HFM1: variants seen among roughly 807,000 people sequenced by gnomAD.
HFM1 encodes the protein probable ATP-dependent DNA helicase HFM1.
Under a neutral mutation model 192.1 loss-of-function variants are expected in HFM1, and 169 were observed. The ratio of observed to expected loss-of-function variants is 0.88; its 90% CI spans 0.78 to 1.00. The LOEUF (loss-of-function observed/expected upper bound fraction) is 1.00. Among genes scored for constraint, HFM1 ranks in the 50% least tolerant of loss-of-function variants. HFM1 has a pLI of 0.00. For missense variants in HFM1, 1,661 were observed against 1,668.0 expected (o/e 1.00, Z 0.07); for synonymous variants, 525 against 537.8 (o/e 0.98, Z 0.33).
intron 30 of HFM1, among the ~76,000 whole-genome samples, chr1:91,297,003 C>T (rs1039968782): frequency 2.0e-5 from 3 of 152,188 alleles, no homozygotes; most frequent in Non-Finnish European, 4.4e-5. Flanking sequence ...CATCGCCTCA[C>T]CCGGGAAGCA....
rs751622198 is a variant in HFM1, at chr1:91,352,578, A to G, written c.1905T>C (p.Tyr635=). ...HLVVIKSTMH[Y]AGGLFEEYSE... is the part of the protein sequence containing the mutation. ...TGTACTCTTCAAACAGTCCTCCAGCATAATGCATTGTAGATTTTATAACTA... is the reference window on the plus strand; with the variant it reads ...TGTACTCTTCAAACAGTCCTCCAGCGTAATGCATTGTAGATTTTATAACTA... Residue 635 remains tyrosine, a synonymous_variant, in exon 16 of 39, where the codon TAT becomes TAC. Coordinates refer to ENST00000370425, the MANE Select transcript of HFM1 (RefSeq NM_001017975.6). 9 of 1,609,956 alleles carry G rather than the reference A, an allele frequency of 5.6e-6. No individual in the cohort carries two copies. The Admixed American group carries it at 1.5e-4, about 27-fold the overall frequency.
intron 8 of HFM1, 47 bp downstream of exon 8, chr1:91,380,057 G>C (rs766667808): frequency 4.4e-6 from 4 of 916,824 alleles, no homozygotes; most frequent in Non-Finnish European, 6.1e-6. Flanking sequence ...TGCTTCAATG[G>C]TTTTTCATTA....
At chr1:91,329,039 A>C in intron 20 of HFM1, 2 of 1,611,466 alleles carry the variant, frequency 1.2e-6, no homozygotes, top group Non-Finnish European at 1.7e-6. Flanking sequence ...AGAACCAGGA[A>C]CAGTTTGTGG....
At chr1:91,294,109 T>G (rs972581008) in intron 30 of HFM1, among the ~76,000 whole-genome samples, 22 of 150,170 alleles carry the variant, frequency 1.5e-4, no homozygotes, top group Admixed American at 6.0e-4. Flanking sequence ...AGATGACGAG[T>G]TAGTGGGTGC....
At chr1:91,394,825 A>C (rs1201588457) in intron 3 of HFM1, among the ~76,000 whole-genome samples, 2 of 152,100 alleles carry the variant, frequency 1.3e-5, no homozygotes, top group African/African-American at 2.4e-5. Context: ...TAATGCTTTT[A>C]AGTTTGCAAT....
chr1:91,290,733 A>T (rs1383646013), intron 30 of HFM1, among the ~76,000 whole-genome samples: 1 of 152,152 alleles, frequency 6.6e-6, no homozygotes, highest in African/African-American at 2.4e-5. Context: ...TCCACCCCAA[A>T]TCAACAGAAT....
chr1:91,396,350 A>T lies in HFM1; in HGVS notation c.127T>A (p.Ser43Thr), dbSNP rs1663653098. 6.2e-7 allele frequency: 1 copy of T among 1,605,276 alleles called. No homozygotes were observed. Reference sequence around the variant, plus strand: ...AACTCCTGAGTATCTGGAATTTCTGAAATCAATGGAGCAGGAGGGAGAAAC... The same window carrying T: ...AACTCCTGAGTATCTGGAATTTCTGTAATCAATGGAGCAGGAGGGAGAAAC... ...DWFLPPAPLI[S>T]EIPDTQELEE... The change falls in exon 3 of 39, where the codon TCA becomes ACA. Residue 43 changes from serine to threonine, a missense_variant. Transcript: ENST00000370425.
chr1:91,353,754 AC>A (rs1657317283), intron 13 of HFM1, among the ~76,000 whole-genome samples: 1 of 151,494 alleles, frequency 6.6e-6, no homozygotes, highest in South Asian at 2.1e-4. Flanking sequence ...AAGATGGTCA[AC>A]TAGAGATGCC....
At chr1:91,308,843 G>C (rs1650023677) in intron 30 of HFM1, among the ~76,000 whole-genome samples, 1 of 152,178 alleles carries the variant, frequency 6.6e-6, no homozygotes, top group Non-Finnish European at 1.5e-5. Flanking sequence ...CCCTCTGTCA[G>C]GCAAACATGG....
Position 91,385,602 on chromosome 1 carries a change from C to T in HFM1, c.727G>A (p.Val243Ile). Residue 243 changes from valine to isoleucine, a missense_variant, in exon 5 of 39, where the codon GTT becomes ATT. Coordinates refer to ENST00000370425, the MANE Select transcript of HFM1 (RefSeq NM_001017975.6). ...EGMFKAPSFS[V>I]AFQPHDIQEV... The stretch of plus-strand genomic sequence containing the variant: ...TGAATATCATGAGGTTGGAAAGCAA[C>T]TGAAAAAGATGGTGCTTTGAACATG... 6.2e-7 allele frequency: 1 copy of T among 1,612,432 alleles called. No homozygotes were observed. Among genetic ancestry groups the T allele is most frequent in the African/African-American group, 1.3e-5 (1 of 74,940 alleles).
intron 30 of HFM1, among the ~76,000 whole-genome samples, chr1:91,289,863 G>A (rs1168838401): frequency 6.6e-6 from 1 of 152,056 alleles, no homozygotes; most frequent in African/African-American, 2.4e-5. Context: ...AGAGGGAGAG[G>A]GAGACGAGAG....
intron 30 of HFM1, among the ~76,000 whole-genome samples, chr1:91,310,542 C>T (rs945747628): frequency 2.0e-5 from 3 of 152,126 alleles, no homozygotes; most frequent in Non-Finnish European, 2.9e-5. Flanking sequence ...AAAGGAAAAA[C>T]GTATACTGAC....
rs940985835 is a variant in HFM1 at position 91,383,324 on chromosome 1, A to G, written c.802+1863T>C. Reference sequence around the variant, plus strand: ...TCGTACAGATAATTAAACATCTTTAACAGCTTACTGCTAATATATTTCCTA... The same window carrying G: ...TCGTACAGATAATTAAACATCTTTAGCAGCTTACTGCTAATATATTTCCTA... On this transcript the variant is annotated intron_variant, in intron 6 of 38. Coordinates refer to ENST00000370425, the MANE Select transcript of HFM1 (RefSeq NM_001017975.6). Among the ~76,000 whole-genome samples, 9 of 152,278 alleles carry G rather than the reference A, an allele frequency of 5.9e-5. No homozygotes were observed. The East Asian group carries it at 1.3e-3, about 23-fold the overall frequency.
At chr1:91,297,440 G>A (rs1314712271) in intron 30 of HFM1, among the ~76,000 whole-genome samples, 2 of 152,230 alleles carry the variant, frequency 1.3e-5, no homozygotes, top group Admixed American at 6.5e-5. Flanking sequence ...TTTGAAGAGA[G>A]TAGTGGTTCT....
intron 34 of HFM1, among the ~76,000 whole-genome samples, chr1:91,269,814 T>G (rs903568790): frequency 1.3e-5 from 2 of 152,080 alleles, no homozygotes; most frequent in Admixed American, 1.3e-4. Flanking sequence ...AGGGAACCTA[T>G]GCTATGAAGG....
intron 13 of HFM1, among the ~76,000 whole-genome samples, chr1:91,368,714 C>G (rs1659735979): frequency 6.6e-6 from 1 of 152,162 alleles, no homozygotes; most frequent in African/African-American, 2.4e-5. Flanking sequence ...AACCAGCTAA[C>G]ATCATAATGA....
chr1:91,378,928 A>T lies in HFM1; in HGVS notation c.1158+135T>A, dbSNP rs569143797. The T allele has an allele frequency of 1.1e-4, 59 of 557,806 alleles. No individual in the cohort carries two copies. In the African/African-American group the frequency reaches 1.1e-3, roughly 11 times the overall value. The allele number at this position is 557,806 out of a possible 1,614,324, so 34.6% of individuals were successfully genotyped here. ...TTCTGTCTGTACCTTGAATTGTAGTATTTTTTTAATGTTTGTTTGTTTGCA... is the reference window on the plus strand; with the variant it reads ...TTCTGTCTGTACCTTGAATTGTAGTTTTTTTTTAATGTTTGTTTGTTTGCA... On this transcript the variant is annotated intron_variant, in intron 9 of 38. Coordinates refer to ENST00000370425, the MANE Select transcript of HFM1 (RefSeq NM_001017975.6).
At chr1:91,355,394 T>A (rs781181517) in intron 13 of HFM1, among the ~76,000 whole-genome samples, 103 of 151,670 alleles carry the variant, frequency 6.8e-4, no homozygotes, top group Admixed American at 2.2e-3. Context: ...ATGAATTAAA[T>A]TCTCCAATCA....
intron 5 of HFM1, 49 bp from the exon 6 acceptor site, chr1:91,385,283 T>C (rs779306825): frequency 2.7e-6 from 3 of 1,101,594 alleles, no homozygotes; most frequent in Non-Finnish European, 4.1e-6. Context: ...AAAAAATTAA[T>C]GGTCAGAAGC....
Sources: gnomAD v4.1 joint callset for allele counts (sites outside exome capture counted in the v4.1 genomes callset) on GRCh38, gnomAD v4.1.1 for gene constraint, MANE v1.5 for transcripts, NCBI Gene and HGNC (gene_info 2026-07-23, HGNC 2026-07-21) for gene names.